The following ACYP2 variants were observed in gnomAD, a reference collection of about 807,000 sequenced individuals.
The protein encoded by ACYP2 is acylphosphatase 2.
Under a neutral mutation model 11.2 loss-of-function variants are expected in ACYP2, and 12 were observed. The observed-to-expected ratio is 1.08, with a 90% CI of 0.69 to 1.74. The LOEUF is 1.74. Among genes scored for constraint, ACYP2 ranks in the 40% most tolerant of loss-of-function variants. ACYP2 has a pLI of 0.00. For synonymous variants in ACYP2, 43 were observed against 32.2 expected (o/e 1.33, Z -1.13); for missense variants, 134 against 101.9 (o/e 1.31, Z -1.35).
chr2:54,297,941 G>A (rs1047955786), intron 6 of ACYP2, among the ~76,000 whole-genome samples: 2 of 152,104 alleles, frequency 1.3e-5, no homozygotes, highest in South Asian at 2.1e-4. Context: ...GGATGTGAAA[G>A]GACTGGATGA....
intron 2 of ACYP2, among the ~76,000 whole-genome samples, chr2:54,044,346 G>A (rs1273909614): frequency 6.6e-6 from 1 of 152,018 alleles, no homozygotes; most frequent in African/African-American, 2.4e-5. Context: ...TGTAATCCCA[G>A]CACTTTGGGA....
chr2:54,049,839 C>T (rs1196370255), intron 2 of ACYP2, among the ~76,000 whole-genome samples: 1 of 152,196 alleles, frequency 6.6e-6, no homozygotes, highest in African/African-American at 2.4e-5. Context: ...TTCTTCCTGG[C>T]ACTATACTTA....
intron 2 of ACYP2, among the ~76,000 whole-genome samples, chr2:54,042,286 G>A (rs551497829): frequency 9.8e-5 from 15 of 152,310 alleles, no homozygotes; most frequent in South Asian, 4.1e-4. Context: ...GATTACAGGC[G>A]TGAGCCACCA....
At chr2:53,998,860 C>T (rs1672684514) in intron 2 of ACYP2, among the ~76,000 whole-genome samples, 1 of 152,054 alleles carries the variant, frequency 6.6e-6, no homozygotes, top group African/African-American at 2.4e-5. Flanking sequence ...GTAGAGACTG[C>T]TGCCCTCCAT....
intron 2 of ACYP2, among the ~76,000 whole-genome samples, chr2:54,038,697 A>ATATATATG (rs1675047291): frequency 2.3e-5 from 1 of 43,862 alleles, no homozygotes; most frequent in African/African-American, 7.0e-5. Context: ...ATATATATAT[A>ATATATATG]TATATATATA....
At position 54,257,044 on chromosome 2, in the gene ACYP2, C is replaced by T. The variant is rs1042754392; in HGVS notation, c.405-47644C>T. Among the ~76,000 whole-genome samples, 3 of 152,136 alleles carry T rather than the reference C, an allele frequency of 2.0e-5. No individual in the cohort carries two copies. In the East Asian group the frequency reaches 5.8e-4, roughly 29 times the overall value. ...TAATATGTGCCAATTTGTCATTTTC[C>T]CCTTTACCTTAGTGTTTTTCTGCTC... On this transcript the variant is annotated intron_variant, in intron 6 of 6. Coordinates refer to ENST00000607452, the MANE Select transcript of ACYP2 (RefSeq NM_001320586.2).
intron 6 of ACYP2, chr2:54,256,183 G>A: frequency 6.3e-7 from 1 of 1,581,120 alleles, no homozygotes; most frequent in East Asian, 2.2e-5. Flanking sequence ...AGTGGGTAGA[G>A]GCCAGGCCAG....
intron 2 of ACYP2, among the ~76,000 whole-genome samples, chr2:53,984,325 C>G (rs1473867592): frequency 1.3e-5 from 2 of 152,026 alleles, no homozygotes; most frequent in African/African-American, 2.4e-5. Flanking sequence ...TGTCTGTAAT[C>G]CCAGCACTTT....
At chr2:54,021,437 C>G (rs547415250) in intron 2 of ACYP2, among the ~76,000 whole-genome samples, 1 of 152,242 alleles carries the variant, frequency 6.6e-6, no homozygotes, top group African/African-American at 2.4e-5. Context: ...TCTCAGAACT[C>G]ATTGTACTTA....
intron 2 of ACYP2, among the ~76,000 whole-genome samples, chr2:54,019,240 A>G (rs1419598299): frequency 1.3e-5 from 2 of 150,642 alleles, no homozygotes; most frequent in African/African-American, 4.9e-5. Context: ...CTAATTTTTA[A>G]AAATATTTTT....
At chr2:54,012,926 A>G (rs1341933629) in intron 2 of ACYP2, among the ~76,000 whole-genome samples, 3 of 149,332 alleles carry the variant, frequency 2.0e-5, no homozygotes, top group Non-Finnish European at 4.5e-5. Flanking sequence ...CTCTGATCTC[A>G]CCTCCCACTC....
chr2:54,097,778 C>T lies in ACYP2; in HGVS notation c.278-37675C>T, dbSNP rs577364746. 8.5e-5 allele frequency among the ~76,000 whole-genome samples: 13 copies of T among 152,092 alleles called. No individual in the cohort carries two copies. The South Asian group carries it at 2.5e-3, about 29-fold the overall frequency. On this transcript the variant is annotated intron_variant, in intron 4 of 6. Transcript: ENST00000607452. ...TAGAAATGCTTCCCTGTATCTATAA[C>T]TGCAAAAGATATTTTTAACTCTAAC...
chr2:53,972,203 G>A (rs1382124994), intron 1 of ACYP2, among the ~76,000 whole-genome samples: 2 of 150,938 alleles, frequency 1.3e-5, no homozygotes, highest in African/African-American at 2.5e-5. Context: ...CCAGCTACTC[G>A]GGAGGCTGAG....
intron 6 of ACYP2, among the ~76,000 whole-genome samples, chr2:54,261,624 T>C (rs1329962135): frequency 6.6e-6 from 1 of 152,198 alleles, no homozygotes; most frequent in Admixed American, 6.5e-5. Flanking sequence ...CCTCAAATAT[T>C]CTTTTTCAGT....
intron 4 of ACYP2, among the ~76,000 whole-genome samples, chr2:54,097,629 A>G (rs943559342): frequency 6.6e-6 from 1 of 151,958 alleles, no homozygotes; most frequent in Non-Finnish European, 1.5e-5. Context: ...GGAATCTATT[A>G]CACAGCTTCC....
intron 4 of ACYP2, among the ~76,000 whole-genome samples, chr2:54,083,562 G>A (rs1198401961): frequency 6.6e-6 from 1 of 151,464 alleles, no homozygotes; most frequent in Non-Finnish European, 1.5e-5. Flanking sequence ...CAAACAGGGT[G>A]ATGGGAAAGG....
chr2:54,085,416 AG>A (rs2103672321), intron 4 of ACYP2, among the ~76,000 whole-genome samples: 1 of 152,292 alleles, frequency 6.6e-6, no homozygotes, highest in South Asian at 2.1e-4. Flanking sequence ...AACTGGAGTA[AG>A]GGGGCAAATC....
At chr2:54,069,746 T>C (rs1203038377) in intron 4 of ACYP2, among the ~76,000 whole-genome samples, 1 of 152,172 alleles carries the variant, frequency 6.6e-6, no homozygotes, top group African/African-American at 2.4e-5. Context: ...CTACCATATT[T>C]TGAACACATT....
At chr2:54,131,334 T>C (rs1053689962) in intron 4 of ACYP2, among the ~76,000 whole-genome samples, 3 of 152,240 alleles carry the variant, frequency 2.0e-5, no homozygotes, top group East Asian at 3.8e-4. Context: ...CACCATAGGC[T>C]AATGGTCTTT....
Sources: allele counts gnomAD v4.1 joint callset (sites outside exome capture counted in the v4.1 genomes callset), GRCh38; gene constraint gnomAD v4.1.1; transcripts MANE v1.5; gene names NCBI Gene and HGNC (gene_info 2026-07-23, HGNC 2026-07-21).